The following GRXCR2 variants were observed in gnomAD, a reference collection of about 807,000 sequenced individuals.
The protein encoded by GRXCR2 is glutaredoxin domain-containing cysteine-rich protein 2.
Under a neutral mutation model 24.8 loss-of-function variants are expected in GRXCR2, and 23 were observed. The ratio of observed to expected loss-of-function variants is 0.93; its 90% CI spans 0.67 to 1.32. The LOEUF (loss-of-function observed/expected upper bound fraction) is 1.32, where lower values mean the gene tolerates loss of function less well. GRXCR2 is among the 40% of genes most tolerant of loss of function. GRXCR2 has a pLI of 0.00. For missense variants in GRXCR2, 315 were observed against 303.4 expected (o/e 1.04, Z -0.28); for synonymous variants, 130 against 116.1 (o/e 1.12, Z -0.77).
At chr5:145,893,995 A>G (rs1756909979) in intron 2 of GRXCR2, among the ~76,000 whole-genome samples, 1 of 152,256 alleles carries the variant, frequency 6.6e-6, no homozygotes, top group Admixed American at 6.5e-5. Context: ...AAAACCGCTC[A>G]ACTACATGGA....
At chr5:145,894,627 T>C (rs1367453142) in intron 2 of GRXCR2, among the ~76,000 whole-genome samples, 1 of 152,130 alleles carries the variant, frequency 6.6e-6, no homozygotes, top group African/African-American at 2.4e-5. Context: ...GCTCTGAAAT[T>C]GAGGCAATAG....
rs185598749 is a variant in GRXCR2, at chr5:145,882,318, G to T, written c.-69-15590C>A. 1.9e-3 allele frequency among the ~76,000 whole-genome samples: 295 copies of T among 151,900 alleles called. 4 individuals are homozygous for T. The highest frequency in any genetic ancestry group is 0.017 in the South Asian group (81 of 4,808). ...GAATCTACAATGAACTCAAACAAAT[G>T]TACAAGAAAAAAACAAACAACCCCA... On this transcript the variant is annotated intron_variant, in intron 2 of 3. Transcript: ENST00000639411.
chr5:145,919,789 G>A (rs912118275), intron 2 of GRXCR2, among the ~76,000 whole-genome samples: 1 of 152,118 alleles, frequency 6.6e-6, no homozygotes. Context: ...AAACCCCTGG[G>A]GAGGGCAGGA....
In GRXCR2 at chr5:145,924,533, T is replaced by C. The variant is rs190434740; in HGVS notation, c.-70+11168A>G. Among the ~76,000 whole-genome samples the C allele has an allele frequency of 1.4e-3, 212 of 152,306 alleles. 1 individual carries two copies. Among genetic ancestry groups the C allele is most frequent in the South Asian group, 9.1e-3 (44 of 4,830 alleles). ...TATGTTGCCAAGTTTTGAACTCTAC[T>C]GAACGGAACCAAAAATAAAAGTCTA... On this transcript the variant is annotated intron_variant, in intron 2 of 3. Coordinates refer to the GRXCR2 transcript ENST00000639411.
chr5:145,885,781 G>A (rs1227721046), intron 2 of GRXCR2, among the ~76,000 whole-genome samples: 3 of 152,140 alleles, frequency 2.0e-5, no homozygotes, highest in African/African-American at 7.2e-5. Context: ...GAGGAAAATA[G>A]TCTAGGAGAT....
chr5:145,872,998 C>T lies in GRXCR2; in HGVS notation c.-30G>A. On this transcript the variant is annotated 5_prime_UTR_variant, in exon 1 of 3. Transcript: ENST00000377976. ...AGAAAGTTGACCCTGTGGTCTCCAG[C>T]CTTCCGTGCAGCCGGTGAAACTTGG... 1.3e-6 allele frequency: 2 copies of T among 1,592,366 alleles called. No individual in the cohort carries two copies. The highest frequency in any genetic ancestry group is 1.7e-6 in the Non-Finnish European group (2 of 1,163,066).
downstream of GRXCR2, among the ~76,000 whole-genome samples, chr5:145,858,063 C>T (rs971949855): frequency 6.6e-6 from 1 of 152,120 alleles, no homozygotes; most frequent in Non-Finnish European, 1.5e-5. Flanking sequence ...CCTGTAATCC[C>T]AGCACTTTGG....
At chr5:145,885,210 T>TACAAATAAATAGTTA (rs1345483839) in intron 2 of GRXCR2, among the ~76,000 whole-genome samples, 16 of 152,164 alleles carry the variant, frequency 1.1e-4, no homozygotes, top group Admixed American at 9.8e-4. Flanking sequence ...ATTATAGTTA[T>TACAAATAAATAGTTA]TGATCATTTG....
chr5:145,914,743 G>T (rs1036635789), intron 2 of GRXCR2, among the ~76,000 whole-genome samples: 6 of 150,822 alleles, frequency 4.0e-5, no homozygotes, highest in African/African-American at 1.5e-4. Flanking sequence ...GATAAAGATG[G>T]GCAGTACCTC....
intron 2 of GRXCR2, among the ~76,000 whole-genome samples, chr5:145,893,942 C>T (rs911226248): frequency 3.3e-5 from 5 of 152,080 alleles, no homozygotes; most frequent in African/African-American, 4.8e-5. Context: ...TCTCTCAGAC[C>T]ACAGTGCAAT....
At chr5:145,907,544 A>G (rs1316188581) in intron 2 of GRXCR2, among the ~76,000 whole-genome samples, 1 of 151,892 alleles carries the variant, frequency 6.6e-6, no homozygotes, top group East Asian at 1.9e-4. Context: ...AAAAAAAGTA[A>G]TAATAATAAT....
chr5:145,895,845 C>G (rs1276486220), intron 2 of GRXCR2, among the ~76,000 whole-genome samples: 2 of 152,138 alleles, frequency 1.3e-5, no homozygotes, highest in African/African-American at 4.8e-5. Context: ...GCCAAAAGAA[C>G]AAAGCTGGAG....
At chr5:145,890,833 A>T (rs1756853380) in intron 2 of GRXCR2, among the ~76,000 whole-genome samples, 1 of 151,902 alleles carries the variant, frequency 6.6e-6, no homozygotes, top group South Asian at 2.1e-4. Flanking sequence ...GGGCAAGTTG[A>T]ATTAAAAAAA....
At chr5:145,877,731 T>C (rs1285414683), upstream of GRXCR2, among the ~76,000 whole-genome samples, 1 of 152,144 alleles carries the variant, frequency 6.6e-6, no homozygotes, top group Non-Finnish European at 1.5e-5. Flanking sequence ...GTGCAGCCCA[T>C]GGAGGGTGAG....
intron 1 of GRXCR2, among the ~76,000 whole-genome samples, chr5:145,869,720 G>C (rs1038628659): frequency 1.3e-5 from 2 of 152,040 alleles, no homozygotes; most frequent in African/African-American, 2.4e-5. Flanking sequence ...ACCACACCTG[G>C]CTAATTTTTT....
chr5:145,930,477 G>T (rs1454576582), intron 2 of GRXCR2, among the ~76,000 whole-genome samples: 1 of 152,116 alleles, frequency 6.6e-6, no homozygotes, highest in African/African-American at 2.4e-5. Context: ...ATTCAAATGT[G>T]CCTTTACTTT....
chr5:145,911,430 G>A (rs947300103), intron 2 of GRXCR2, among the ~76,000 whole-genome samples: 2 of 152,148 alleles, frequency 1.3e-5, no homozygotes, highest in African/African-American at 4.8e-5. Context: ...CTGCCACAGA[G>A]GGAGAAGGGG....
upstream of GRXCR2, among the ~76,000 whole-genome samples, chr5:145,875,275 C>T (rs1305512216): frequency 2.0e-5 from 3 of 152,194 alleles, no homozygotes; most frequent in East Asian, 1.9e-4. Context: ...GGTGGCTGGG[C>T]GCGGTGGCTC....
chr5:145,884,009 C>T (rs779473674), intron 2 of GRXCR2, among the ~76,000 whole-genome samples: 9 of 152,144 alleles, frequency 5.9e-5, no homozygotes, highest in Non-Finnish European at 1.0e-4. Context: ...GTGGGACAAA[C>T]GTATTATGTC....
Sources: gnomAD v4.1 joint callset for allele counts (sites outside exome capture counted in the v4.1 genomes callset) on GRCh38, gnomAD v4.1.1 for gene constraint, MANE v1.5 for transcripts, NCBI Gene and HGNC (gene_info 2026-07-23, HGNC 2026-07-21) for gene names.